FSTL5: variants seen among roughly 807,000 people sequenced by gnomAD.
FSTL5 encodes follistatin like 5, also known as follistatin-related protein 5.
In FSTL5, 62 loss-of-function variants were observed where a neutral mutation model predicts 89.1. The ratio of observed to expected loss-of-function variants is 0.70; its 90% CI spans 0.57 to 0.86. The LOEUF (loss-of-function observed/expected upper bound fraction) is 0.86, where lower values mean the gene tolerates loss of function less well. Among genes scored for constraint, FSTL5 ranks in the 40% least tolerant of loss-of-function variants. FSTL5 has a pLI of 0.00. For synonymous variants in FSTL5, 383 were observed against 346.2 expected, an observed-to-expected ratio of 1.11 and a Z score of -1.18; for missense variants, 1,057 against 1,001.6, an observed-to-expected ratio of 1.06 and a Z score of -0.75.
At position 161,943,538 on chromosome 4, in the gene FSTL5, CTTTTTTTTTTTTTTTTT is replaced by C. The variant is rs77101651; in HGVS notation, c.161-22903_161-22887del. Among the ~76,000 whole-genome samples, 44 of 34,368 alleles carry C rather than the reference CTTTTTTTTTTTTTTTTT, an allele frequency of 1.3e-3. No individual in the cohort carries two copies. The South Asian group carries it at 0.035, about 27-fold the overall frequency. The allele number at this position is 34,368 out of a possible 152,430, so 22.5% of individuals were successfully genotyped here. On this transcript the variant is annotated intron_variant, in intron 3 of 15. Coordinates refer to ENST00000306100, the MANE Select transcript of FSTL5 (RefSeq NM_020116.5). ...GACTTTTACATCAGAACCACTGTATCTTTTTTTTTTTTTTTTTTTTTTTTTTTTTTTTTTTTTGAGGT... is the reference window on the plus strand; with the variant it reads ...GACTTTTACATCAGAACCACTGTATCTTTTTTTTTTTTTTTTTTTTGAGGT...
intron 6 of FSTL5, among the ~76,000 whole-genome samples, chr4:161,755,365 A>G (rs558494073): frequency 2.6e-5 from 4 of 152,240 alleles, no homozygotes; most frequent in Admixed American, 6.5e-5. Context: ...CTGCAATAAT[A>G]TAAAAACACT....
intron 13 of FSTL5, among the ~76,000 whole-genome samples, chr4:161,460,281 C>T (rs1733512700): frequency 6.6e-6 from 1 of 151,320 alleles, no homozygotes; most frequent in Non-Finnish European, 1.5e-5. Flanking sequence ...GGTACATACG[C>T]ACAACGTGCA....
At chr4:162,062,925 T>C (rs1414253450) in intron 2 of FSTL5, among the ~76,000 whole-genome samples, 2 of 151,764 alleles carry the variant, frequency 1.3e-5, no homozygotes, top group Non-Finnish European at 2.9e-5. Context: ...CAGTATTTTA[T>C]AAATAATATT....
At chr4:161,493,447 C>A (rs1729953823) in intron 12 of FSTL5, among the ~76,000 whole-genome samples, 3 of 151,596 alleles carry the variant, frequency 2.0e-5, no homozygotes, top group South Asian at 2.1e-4. Flanking sequence ...ATAATAAAAT[C>A]TTTTATTTTA....
Position 162,048,399 on chromosome 4 carries a change from A to T in FSTL5, c.127-14741T>A, listed in dbSNP as rs143372295. On this transcript the variant is annotated intron_variant, in intron 2 of 15. Coordinates refer to ENST00000306100, the MANE Select transcript of FSTL5 (RefSeq NM_020116.5). The stretch of plus-strand genomic sequence containing the variant: ...GAAAAACATACAATCTGCTCTCAGG[A>T]CTAAAACATGCAAGATTTAGAAAAA... Among the ~76,000 whole-genome samples, 571 of 152,208 alleles carry T rather than the reference A, an allele frequency of 3.8e-3. 6 individuals carry two copies. Among genetic ancestry groups the T allele is most frequent in the Non-Finnish European group, 5.9e-3 (402 of 68,006 alleles).
intron 6 of FSTL5, among the ~76,000 whole-genome samples, chr4:161,741,211 G>A (rs1418628647): frequency 6.6e-6 from 1 of 152,122 alleles, no homozygotes; most frequent in Non-Finnish European, 1.5e-5. Flanking sequence ...CAGGGCAAAG[G>A]GGAATTAAAT....
chr4:161,655,400 C>T (rs985446801), intron 7 of FSTL5, among the ~76,000 whole-genome samples: 1 of 152,000 alleles, frequency 6.6e-6, no homozygotes, highest in African/African-American at 2.4e-5. Flanking sequence ...CCAGTGAACA[C>T]ATGACCCCAG....
At chr4:161,879,418 G>GCTTTCCCAGGCAAAGCATTAGCATA (rs1732555153) in intron 4 of FSTL5, among the ~76,000 whole-genome samples, 1 of 152,090 alleles carries the variant, frequency 6.6e-6, no homozygotes, top group Non-Finnish European at 1.5e-5. Flanking sequence ...TCTTCACGAT[G>GCTTTCCCAGGCAAAGCATTAGCATA]CTTTCCCAGG....
At chr4:161,625,174 T>C (rs983374660) in intron 7 of FSTL5, among the ~76,000 whole-genome samples, 8 of 152,172 alleles carry the variant, frequency 5.3e-5, no homozygotes, top group African/African-American at 1.9e-4. Flanking sequence ...AATGTTTCTA[T>C]AGGTACTAGT....
intron 7 of FSTL5, among the ~76,000 whole-genome samples, chr4:161,612,019 G>A (rs1323922817): frequency 6.6e-6 from 1 of 152,214 alleles, no homozygotes; most frequent in Non-Finnish European, 1.5e-5. Context: ...GGATCCACTG[G>A]CAAAAGCCAG....
chr4:161,741,756 TGGCTCACTGCAAC>T (rs1056582972), intron 6 of FSTL5, among the ~76,000 whole-genome samples: 7 of 150,972 alleles, frequency 4.6e-5, no homozygotes, highest in Admixed American at 1.3e-4. Context: ...GGCACGGTCT[TGGCTCACTGCAAC>T]GTTCGCCTCC....
intron 2 of FSTL5, among the ~76,000 whole-genome samples, chr4:162,077,314 G>A (rs1393917356): frequency 6.6e-6 from 1 of 151,790 alleles, no homozygotes. Context: ...TGAGGGTGGT[G>A]TGCCCATTAC....
chr4:161,489,913 C>T (rs1729804267), intron 12 of FSTL5, among the ~76,000 whole-genome samples: 1 of 143,336 alleles, frequency 7.0e-6, no homozygotes, highest in Non-Finnish European at 1.6e-5. Flanking sequence ...AATTAAAATG[C>T]AGAATTTTTT....
intron 1 of FSTL5, among the ~76,000 whole-genome samples, chr4:162,129,605 A>G (rs1732218855): frequency 1.3e-5 from 2 of 152,214 alleles, no homozygotes; most frequent in Non-Finnish European, 2.9e-5. Context: ...AAACTTTCCA[A>G]AATAGTCACC....
chr4:161,556,227 A>T (rs1732387079), intron 8 of FSTL5, among the ~76,000 whole-genome samples: 1 of 151,586 alleles, frequency 6.6e-6, no homozygotes, highest in Non-Finnish European at 1.5e-5. Flanking sequence ...TTTTGCAACT[A>T]GAAGGTAATG....
chr4:161,630,046 C>T (rs1420070596), intron 7 of FSTL5, among the ~76,000 whole-genome samples: 1 of 152,190 alleles, frequency 6.6e-6, no homozygotes, highest in East Asian at 1.9e-4. Flanking sequence ...ATGGGGGAAT[C>T]AGGGAGAACT....
At position 161,385,349 on chromosome 4, in the gene FSTL5, C is replaced by T. The variant is rs193095508; in HGVS notation, c.*398G>A. ...TTAAGAATTTTAAGTTTCCACAACA[C>T]CTTTTATTTCTTGTTTAATCATACC... On this transcript the variant is annotated 3_prime_UTR_variant, in exon 16 of 16. Coordinates refer to ENST00000306100, the MANE Select transcript of FSTL5 (RefSeq NM_020116.5). The T allele has an allele frequency of 8.7e-4, 144 of 164,908 alleles. No homozygotes were observed. The highest frequency in any genetic ancestry group is 1.5e-3 in the Non-Finnish European group (111 of 75,710). The allele number at this position is 164,908 out of a possible 1,614,324, so 10.2% of individuals were successfully genotyped here. A position where few individuals can be genotyped will look rare whatever the true frequency, so the allele number is the denominator to read the frequency against.
intron 2 of FSTL5, among the ~76,000 whole-genome samples, chr4:162,038,278 T>C (rs1737815377): frequency 6.6e-6 from 1 of 151,890 alleles, no homozygotes; most frequent in Admixed American, 6.6e-5. Context: ...AATTCCAAAG[T>C]GCTGTATATT....
chr4:162,034,010 C>A (rs750531157), intron 2 of FSTL5, among the ~76,000 whole-genome samples: 1 of 151,884 alleles, frequency 6.6e-6, no homozygotes, highest in East Asian at 1.9e-4. Context: ...TTATTTTGCC[C>A]AGGTTGGTCT....
Sources: allele counts gnomAD v4.1 joint callset (sites outside exome capture counted in the v4.1 genomes callset), GRCh38; gene constraint gnomAD v4.1.1; transcripts MANE v1.5; gene names NCBI Gene and HGNC (gene_info 2026-07-23, HGNC 2026-07-21).